The following GRHL2 variants were observed in gnomAD, a reference collection of about 807,000 sequenced individuals.
GRHL2 encodes grainyhead like transcription factor 2.
GRHL2 carries 21 observed loss-of-function variants against 83.8 expected under a neutral mutation model. The observed-to-expected ratio is 0.25, with a 90% CI of 0.18 to 0.36. The LOEUF (loss-of-function observed/expected upper bound fraction) is 0.36, where lower values mean the gene tolerates loss of function less well. Ranked by LOEUF, GRHL2 falls within the 10% of genes least tolerant of loss-of-function variation. The probability of loss-of-function intolerance (pLI) is 1.00; values close to 1 mark genes in which losing one functional copy is unlikely to be tolerated. For synonymous variants in GRHL2, 280 were observed against 278.9 expected (o/e 1.00, Z -0.04); for missense variants, 623 against 781.8 (o/e 0.80, Z 2.42).
intron 8 of GRHL2, among the ~76,000 whole-genome samples, chr8:101,618,998 C>T (rs1489843038): frequency 6.6e-6 from 1 of 152,106 alleles, no homozygotes; most frequent in Non-Finnish European, 1.5e-5. Flanking sequence ...TCACGCCTGT[C>T]ATCCCAGCAC....
At chr8:101,644,032 C>T (rs776132552) in intron 12 of GRHL2, 99 bp from the exon 13 acceptor site, 39 of 1,022,946 alleles carry the variant, frequency 3.8e-5, no homozygotes, top group Middle Eastern at 2.0e-4. Flanking sequence ...AGCATAGGGA[C>T]GGTATAAGCA....
intron 11 of GRHL2, 109 bp from the exon 12 acceptor site, chr8:101,636,786 CTT>C: frequency 2.4e-6 from 2 of 830,998 alleles, no homozygotes; most frequent in Non-Finnish European, 2.1e-6. Flanking sequence ...ACAGATTAGT[CTT>C]TTGCCTTTTT....
At chr8:101,617,216 T>C (rs1367772312) in intron 8 of GRHL2, among the ~76,000 whole-genome samples, 3 of 152,186 alleles carry the variant, frequency 2.0e-5, no homozygotes, top group Non-Finnish European at 4.4e-5. Context: ...GTTGGGCACT[T>C]GTTTTCAGGC....
chr8:101,666,077 G>T (rs1814048749), intron 15 of GRHL2, among the ~76,000 whole-genome samples: 1 of 152,188 alleles, frequency 6.6e-6, no homozygotes, highest in South Asian at 2.1e-4. Context: ...TTTGCAAAAT[G>T]GCAATGACAC....
chr8:101,585,439 G>A (rs1212248763), intron 7 of GRHL2, among the ~76,000 whole-genome samples: 1 of 152,132 alleles, frequency 6.6e-6, no homozygotes, highest in African/African-American at 2.4e-5. Context: ...AAATCCAAGG[G>A]CTGGTGAGAA....
At chr8:101,603,870 G>A (rs1201304297) in intron 8 of GRHL2, among the ~76,000 whole-genome samples, 1 of 152,044 alleles carries the variant, frequency 6.6e-6, no homozygotes, top group Non-Finnish European at 1.5e-5. Context: ...GGAAATTGAT[G>A]GCGGGCAGGG....
In GRHL2 at chr8:101,611,211, A is replaced by T. The variant is rs924339041; in HGVS notation, c.1099-8328A>T. ...CAGTGCTCTGAAGTCGTCCTTGCCT[A>T]TGTGCACGAATGGGTAAAGACTCCT... On this transcript the variant is annotated intron_variant, in intron 8 of 15. Coordinates refer to ENST00000646743, the MANE Select transcript of GRHL2 (RefSeq NM_024915.4). Among the ~76,000 whole-genome samples the T allele has an allele frequency of 1.3e-5, 2 of 151,144 alleles. 1 individual carries two copies. Among genetic ancestry groups the T allele is most frequent in the African/African-American group, 4.9e-5 (2 of 40,482 alleles).
intron 2 of GRHL2, among the ~76,000 whole-genome samples, chr8:101,550,005 A>G (rs1811345256): frequency 2.0e-5 from 3 of 152,024 alleles, no homozygotes; most frequent in African/African-American, 7.2e-5. Flanking sequence ...GTATAGTGGC[A>G]GGCAGAGCTG....
At chr8:101,542,199 G>A (rs964871881) in intron 1 of GRHL2, among the ~76,000 whole-genome samples, 5 of 152,152 alleles carry the variant, frequency 3.3e-5, no homozygotes, top group African/African-American at 1.2e-4. Flanking sequence ...TACATTCAAT[G>A]TCTTACACAT....
At chr8:101,646,111 C>T (rs962691966) in intron 13 of GRHL2, among the ~76,000 whole-genome samples, 5 of 152,158 alleles carry the variant, frequency 3.3e-5, no homozygotes, top group Non-Finnish European at 5.9e-5. Flanking sequence ...AAGCAATCTG[C>T]CCGCCACAGC....
At chr8:101,593,565 A>C (rs998431248) in intron 7 of GRHL2, among the ~76,000 whole-genome samples, 1 of 152,196 alleles carries the variant, frequency 6.6e-6, no homozygotes, top group Non-Finnish European at 1.5e-5. Flanking sequence ...CACTCAGATC[A>C]CATGAGTTCT....
At chr8:101,531,012 C>T (rs1187169311) in intron 1 of GRHL2, among the ~76,000 whole-genome samples, 1 of 152,106 alleles carries the variant, frequency 6.6e-6, no homozygotes, top group Non-Finnish European at 1.5e-5. Context: ...AGGTGGATCA[C>T]TTGAGCTCAG....
intron 8 of GRHL2, among the ~76,000 whole-genome samples, chr8:101,604,135 C>T (rs1328105412): frequency 2.6e-5 from 4 of 151,328 alleles, no homozygotes; most frequent in Middle Eastern, 3.2e-3. Context: ...AATGGGAGGA[C>T]TTCTGTGTCA....
chr8:101,674,389 C>A (rs1023713677), downstream of GRHL2, among the ~76,000 whole-genome samples: 8 of 152,014 alleles, frequency 5.3e-5, no homozygotes, highest in Non-Finnish European at 8.8e-5. Context: ...ACCACTGATC[C>A]CACAGAAATA....
At chr8:101,498,707 A>G (rs550688275) in intron 1 of GRHL2, among the ~76,000 whole-genome samples, 1 of 152,334 alleles carries the variant, frequency 6.6e-6, no homozygotes, top group East Asian at 1.9e-4. Context: ...AGGAGTAAGT[A>G]TTAGAGCAAT....
At chr8:101,552,070 C>T (rs917780365) in intron 2 of GRHL2, among the ~76,000 whole-genome samples, 15 of 151,986 alleles carry the variant, frequency 9.9e-5, no homozygotes, top group African/African-American at 2.7e-4. Context: ...CTCCTGACCT[C>T]GTGATCCGCC....
intron 1 of GRHL2, among the ~76,000 whole-genome samples, chr8:101,511,040 G>A (rs1810453247): frequency 6.6e-6 from 1 of 152,116 alleles, no homozygotes; most frequent in Non-Finnish European, 1.5e-5. Flanking sequence ...GGTGGAGGTT[G>A]CAGTGAGTGG....
intron 9 of GRHL2, among the ~76,000 whole-genome samples, chr8:101,625,126 T>G (rs1051986832): frequency 4.6e-5 from 7 of 152,164 alleles, no homozygotes; most frequent in African/African-American, 1.7e-4. Flanking sequence ...TTCCCTTACT[T>G]TATTTCAGAT....
At chr8:101,611,057 C>T (rs1812739713) in intron 8 of GRHL2, among the ~76,000 whole-genome samples, 1 of 150,836 alleles carries the variant, frequency 6.6e-6, no homozygotes, top group Non-Finnish European at 1.5e-5. Context: ...TGGGAACTTC[C>T]TTGTCCTTGG....
Sources: allele counts gnomAD v4.1 joint callset (sites outside exome capture counted in the v4.1 genomes callset), GRCh38; gene constraint gnomAD v4.1.1; transcripts MANE v1.5; gene names NCBI Gene and HGNC (gene_info 2026-07-23, HGNC 2026-07-21).